The following PIGN variants were observed in gnomAD, a reference collection of about 807,000 sequenced individuals.
The protein encoded by PIGN is phosphatidylinositol glycan anchor biosynthesis class N.
Under a neutral mutation model 125.4 loss-of-function variants are expected in PIGN, and 117 were observed. The ratio of observed to expected loss-of-function variants is 0.93; its 90% CI spans 0.80 to 1.09. PIGN has a LOEUF of 1.09. Ranked by LOEUF, PIGN falls within the 50% of genes least tolerant of loss-of-function variation. PIGN has a pLI of 0.00. For missense variants in PIGN, 1,075 were observed against 1,094.9 expected (o/e 0.98, Z 0.26); for synonymous variants, 392 against 377.8 (o/e 1.04, Z -0.44).
intron 30 of PIGN, chr18:62,072,453 G>A (rs1333630742): frequency 5.3e-6 from 2 of 374,350 alleles, no homozygotes; most frequent in Non-Finnish European, 9.7e-6. Flanking sequence ...ACTTACCATT[G>A]GGTTACAATT....
intron 30 of PIGN, among the ~76,000 whole-genome samples, chr18:62,064,810 G>A (rs2032406956): frequency 6.6e-6 from 1 of 152,044 alleles, no homozygotes; most frequent in Non-Finnish European, 1.5e-5. Context: ...AAGTTTTTCT[G>A]TGGCAAAACA....
chr18:62,121,580 A>G (rs561397517), intron 14 of PIGN, among the ~76,000 whole-genome samples: 3 of 151,660 alleles, frequency 2.0e-5, no homozygotes, highest in Admixed American at 6.6e-5. Flanking sequence ...TTTCCTATCT[A>G]TTTTTTTTAG....
At chr18:62,110,298 T>C (rs896935757) in intron 16 of PIGN, 9 of 241,078 alleles carry the variant, frequency 3.7e-5, no homozygotes, top group East Asian at 9.7e-5. Flanking sequence ...TAAATGTTGA[T>C]TGAGTTCTCT....
intron 22 of PIGN, among the ~76,000 whole-genome samples, chr18:62,097,250 A>G (rs1364225345): frequency 7.6e-6 from 1 of 132,076 alleles, no homozygotes; most frequent in Non-Finnish European, 1.6e-5. Flanking sequence ...AACCCCATCA[A>G]AAAGTGGGCG....
In PIGN at chr18:62,043,450, GT is replaced by G. The variant is rs1251616754; in HGVS notation, c.*2405del. 6.6e-6 allele frequency: 1 copy of G among 152,124 alleles called. No homozygotes were observed. Among genetic ancestry groups the G allele is most frequent in the Non-Finnish European group, 1.5e-5 (1 of 68,014 alleles). The allele number at this position is 152,124 out of a possible 1,614,324, so 9.4% of individuals were successfully genotyped here. A position where few individuals can be genotyped will look rare whatever the true frequency, so the allele number is the denominator to read the frequency against. On this transcript the variant is annotated 3_prime_UTR_variant, in exon 31 of 31. Transcript: ENST00000640252. ...GGAGGGGAGGAGGATTGACACTGAT[GT>G]TCTTAATATCTGAGTTGGCTGAAAT...
At chr18:62,072,431 A>C in intron 30 of PIGN, 2 of 333,970 alleles carry the variant, frequency 6.0e-6, no homozygotes, top group Non-Finnish European at 5.5e-6. Flanking sequence ...TTCTATGTGT[A>C]GATACATAAA....
Position 62,107,923 on chromosome 18 carries a change from C to A in PIGN, c.1575-838G>T, listed in dbSNP as rs75251043. Reference sequence around the variant, plus strand: ...TCACTAATTGTACACTAACGGTAATCAAGTGAACTCATAACCATCAAAAAT... The same window carrying A: ...TCACTAATTGTACACTAACGGTAATAAAGTGAACTCATAACCATCAAAAAT... On this transcript the variant is annotated intron_variant, in intron 17 of 30. Coordinates refer to ENST00000640252, the MANE Select transcript of PIGN (RefSeq NM_176787.5). 8.5e-5 allele frequency among the ~76,000 whole-genome samples: 13 copies of A among 152,208 alleles called. No homozygotes were observed. In the East Asian group the frequency reaches 2.5e-3, roughly 29 times the overall value.
intron 30 of PIGN, among the ~76,000 whole-genome samples, chr18:62,071,198 C>T (rs1379805499): frequency 6.6e-6 from 1 of 152,188 alleles, no homozygotes. Flanking sequence ...GAAATTTAAA[C>T]CACCATATAA....
Position 62,109,846 on chromosome 18 carries a change from G to T in PIGN, c.1562C>A (p.Ala521Glu). The change falls in exon 17 of 31, where the codon GCG becomes GAG. Residue 521 changes from alanine (A) to glutamate (E), a missense_variant. Transcript: ENST00000640252. ...ATGCATTACTTACTCTCTTAGAACC[G>T]CATACCATATTGGCAGTGGCAACAA... ...YGLLPLPIWY[A>E]VLREFQVIQD... 1 of 1,610,818 alleles carries T rather than the reference G, an allele frequency of 6.2e-7. No homozygotes were observed. The highest frequency in any genetic ancestry group is 8.5e-7 in the Non-Finnish European group (1 of 1,178,060).
intron 14 of PIGN, among the ~76,000 whole-genome samples, chr18:62,127,684 G>A (rs2035585370): frequency 1.5e-4 from 1 of 6,814 alleles, no homozygotes; most frequent in Non-Finnish European, 2.0e-3. Flanking sequence ...GTTTTTTTGT[G>A]TGTTTTTTTT....
At chr18:62,140,579 G>C (rs2036098286) in intron 11 of PIGN, 100 bp from the exon 12 acceptor site, 1 of 585,326 alleles carries the variant, frequency 1.7e-6, no homozygotes, top group South Asian at 2.2e-5. Context: ...CATGATATTT[G>C]TTATAATCAG....
Position 62,085,249 on chromosome 18 carries a change from T to C in PIGN, c.2386A>G (p.Thr796Ala). The C allele has an allele frequency of 6.5e-7, 1 of 1,544,386 alleles. No homozygotes were observed. The highest frequency in any genetic ancestry group is 1.2e-5 in the South Asian group (1 of 83,358). The part of the protein sequence containing the change: ...RAFFLVFFLV[T>A]AFFGTGNIAS... ...ATATTTCCAGTTCCAAAAAATGCTG[T>C]CACTAAGAAGAAAACCTAAAGGGAG... The change falls in exon 26 of 31, where the codon ACA (threonine) becomes GCA (alanine). Residue 796 changes from threonine (T) to alanine (A), a missense_variant. Thr to Ala is a moderately conservative substitution (Grantham distance 58). Transcript: ENST00000640252.
chr18:62,091,242 G>A (rs369538632), intron 23 of PIGN, among the ~76,000 whole-genome samples: 3 of 152,136 alleles, frequency 2.0e-5, no homozygotes, highest in African/African-American at 7.2e-5. Flanking sequence ...TAACTCGGGA[G>A]GCTGAGGCAG....
intron 7 of PIGN, chr18:62,153,889 T>G (rs2036624874): frequency 1.3e-5 from 2 of 152,134 alleles, no homozygotes; most frequent in South Asian, 4.1e-4. Context: ...TTATAATGGA[T>G]GAATTATGAG....
chr18:62,144,019 CA>C (rs34634321), intron 10 of PIGN, among the ~76,000 whole-genome samples: 2,439 of 152,190 alleles, frequency 0.016, 28 homozygotes, highest in Middle Eastern at 0.031. Flanking sequence ...AAATTTCATT[CA>C]ATAAGCTAAT....
chr18:62,020,399 CAT>C (rs2030038900), intron 23 of PIGN, among the ~76,000 whole-genome samples: 3 of 152,022 alleles, frequency 2.0e-5, no homozygotes, highest in African/African-American at 7.2e-5. Context: ...AACCTCTAGA[CAT>C]GTGAAGAAGC....
chr18:62,127,722 G>C (rs2035588742), intron 14 of PIGN, among the ~76,000 whole-genome samples: 1 of 151,812 alleles, frequency 6.6e-6, no homozygotes, highest in Admixed American at 6.6e-5. Context: ...ACAAGGTATT[G>C]CTTCTTCACC....
chr18:62,022,041 T>C (rs1035282864), intron 23 of PIGN, among the ~76,000 whole-genome samples: 1 of 152,208 alleles, frequency 6.6e-6, no homozygotes, highest in African/African-American at 2.4e-5. Flanking sequence ...CGTCAGGCCC[T>C]GGCCATGTGG....
At chr18:62,071,868 A>ATATATATATATATGTG (rs1195092913) in intron 30 of PIGN, among the ~76,000 whole-genome samples, 1 of 6,900 alleles carries the variant, frequency 1.4e-4, no homozygotes, top group Admixed American at 1.0e-3. Context: ...TTTTCCATAT[A>ATATATATATATATGTG]TATATATATA....
Sources: allele counts gnomAD v4.1 joint callset (sites outside exome capture counted in the v4.1 genomes callset), GRCh38; gene constraint gnomAD v4.1.1; transcripts MANE v1.5; gene names NCBI Gene and HGNC (gene_info 2026-07-23, HGNC 2026-07-21).